KCNT2: variants seen among roughly 807,000 people sequenced by gnomAD.
The protein encoded by KCNT2 is potassium sodium-activated channel subfamily T member 2.
In KCNT2, 67 loss-of-function variants were observed where a neutral mutation model predicts 153.8. The observed-to-expected ratio is 0.44, with a 90% CI of 0.36 to 0.53. The LOEUF (loss-of-function observed/expected upper bound fraction) is 0.53. Among genes scored for constraint, KCNT2 ranks in the 20% least tolerant of loss-of-function variants. KCNT2 has a pLI of 0.00. For missense variants in KCNT2, 975 were observed against 1,354.8 expected, an observed-to-expected ratio of 0.72 and a Z score of 4.40; for synonymous variants, 500 against 458.8, an observed-to-expected ratio of 1.09 and a Z score of -1.15.
At chr1:196,581,542 T>G (rs1383711063) in intron 1 of KCNT2, among the ~76,000 whole-genome samples, 3 of 151,978 alleles carry the variant, frequency 2.0e-5, no homozygotes, top group Non-Finnish European at 4.4e-5. Context: ...ATTCCAAAAT[T>G]TCAATATAAT....
chr1:196,319,398 A>T, intron 20 of KCNT2, 86 bp downstream of exon 20: 1 of 728,666 alleles, frequency 1.4e-6, no homozygotes, highest in Non-Finnish European at 2.3e-6. Flanking sequence ...ACGGCAAATT[A>T]CACTCATCAT....
At chr1:196,467,498 T>A (rs889492344) in intron 7 of KCNT2, among the ~76,000 whole-genome samples, 9 of 152,008 alleles carry the variant, frequency 5.9e-5, no homozygotes, top group African/African-American at 2.2e-4. Flanking sequence ...CTAAATTAAT[T>A]TAAAAGATGT....
intron 7 of KCNT2, among the ~76,000 whole-genome samples, chr1:196,466,777 A>G (rs1677657234): frequency 6.6e-6 from 1 of 152,058 alleles, no homozygotes; most frequent in Non-Finnish European, 1.5e-5. Flanking sequence ...GTGAACATGT[A>G]TTAACATTTG....
At chr1:196,236,295 T>A (rs991043098) in intron 26 of KCNT2, among the ~76,000 whole-genome samples, 1 of 151,494 alleles carries the variant, frequency 6.6e-6, no homozygotes, top group Non-Finnish European at 1.5e-5. Context: ...CAATAAAGTA[T>A]CTAATTCTGT....
intron 26 of KCNT2, among the ~76,000 whole-genome samples, chr1:196,243,582 C>T (rs1247429978): frequency 6.6e-6 from 1 of 152,112 alleles, no homozygotes; most frequent in Non-Finnish European, 1.5e-5. Flanking sequence ...CTCAATGCTG[C>T]CCTGGAACAG....
At chr1:196,567,452 C>G (rs1660247853) in intron 1 of KCNT2, among the ~76,000 whole-genome samples, 1 of 152,122 alleles carries the variant, frequency 6.6e-6, no homozygotes, top group African/African-American at 2.4e-5. Context: ...CAGCATAAAT[C>G]TCGGATCTTC....
At chr1:196,268,126 C>A (rs1657723189) in intron 25 of KCNT2, among the ~76,000 whole-genome samples, 2 of 152,120 alleles carry the variant, frequency 1.3e-5, no homozygotes, top group Non-Finnish European at 2.9e-5. Flanking sequence ...AAACAGGTCC[C>A]ACTTGCACAT....
At chr1:196,550,269 GA>G (rs1392520592) in intron 1 of KCNT2, among the ~76,000 whole-genome samples, 2 of 150,830 alleles carry the variant, frequency 1.3e-5, no homozygotes, top group Non-Finnish European at 3.0e-5. Context: ...ATGAGTGAGA[GA>G]AAAAAAAATT....
At chr1:196,376,046 C>T (rs1204008458) in intron 13 of KCNT2, among the ~76,000 whole-genome samples, 2 of 151,842 alleles carry the variant, frequency 1.3e-5, no homozygotes, top group Non-Finnish European at 2.9e-5. Flanking sequence ...CCTCTTGGGA[C>T]ATTTTTTAGA....
intron 1 of KCNT2, among the ~76,000 whole-genome samples, chr1:196,514,650 C>T (rs993071010): frequency 6.6e-6 from 1 of 152,122 alleles, no homozygotes; most frequent in African/African-American, 2.4e-5. Context: ...AAATGTGTTG[C>T]ATTTGTATTT....
chr1:196,362,091 C>T (rs1284839026), intron 14 of KCNT2, among the ~76,000 whole-genome samples: 1 of 152,046 alleles, frequency 6.6e-6, no homozygotes, highest in Admixed American at 6.6e-5. Flanking sequence ...AAAAATAGTT[C>T]ATTTGAGCAT....
intron 14 of KCNT2, among the ~76,000 whole-genome samples, chr1:196,353,162 C>G (rs1429560461): frequency 6.6e-6 from 1 of 151,990 alleles, no homozygotes; most frequent in East Asian, 1.9e-4. Flanking sequence ...GACTTGCCAT[C>G]TCCTTCTCTT....
intron 1 of KCNT2, among the ~76,000 whole-genome samples, chr1:196,518,673 G>C (rs1206973620): frequency 6.6e-6 from 1 of 151,832 alleles, no homozygotes; most frequent in Non-Finnish European, 1.5e-5. Context: ...CAACAAAAAT[G>C]ATGGAAAAAA....
chr1:196,266,819 C>T (rs529699439), intron 25 of KCNT2, among the ~76,000 whole-genome samples: 1 of 152,314 alleles, frequency 6.6e-6, no homozygotes, highest in South Asian at 2.1e-4. Flanking sequence ...ACACTACTGA[C>T]TCCTTTCAAT....
intron 8 of KCNT2, among the ~76,000 whole-genome samples, chr1:196,433,219 A>G (rs1160103353): frequency 6.6e-6 from 1 of 152,070 alleles, no homozygotes; most frequent in Non-Finnish European, 1.5e-5. Context: ...AGGAATTTCT[A>G]TTGTTTATAT....
intron 18 of KCNT2, among the ~76,000 whole-genome samples, chr1:196,328,980 T>C (rs1470430770): frequency 6.6e-6 from 1 of 152,108 alleles, no homozygotes; most frequent in Non-Finnish European, 1.5e-5. Flanking sequence ...AGAATAGTGT[T>C]GAGCTGATGT....
At chr1:196,514,944 C>T (rs1288726877) in intron 1 of KCNT2, among the ~76,000 whole-genome samples, 2 of 152,158 alleles carry the variant, frequency 1.3e-5, no homozygotes, top group Non-Finnish European at 2.9e-5. Flanking sequence ...AATTACAGCT[C>T]ATTTCAAATA....
chr1:196,488,690 GGCA>G (rs1394197476), intron 3 of KCNT2, among the ~76,000 whole-genome samples: 1 of 151,884 alleles, frequency 6.6e-6, no homozygotes, highest in Non-Finnish European at 1.5e-5. Context: ...GACATCTCCA[GGCA>G]GTAGTCCTCA....
intron 21 of KCNT2, among the ~76,000 whole-genome samples, chr1:196,310,069 C>A (rs1662017018): frequency 6.6e-6 from 1 of 151,702 alleles, no homozygotes; most frequent in African/African-American, 2.4e-5. Flanking sequence ...TTCTATTTCA[C>A]AGGCTACTGG....
Sources: allele counts gnomAD v4.1 joint callset (sites outside exome capture counted in the v4.1 genomes callset), GRCh38; gene constraint gnomAD v4.1.1; transcripts MANE v1.5; gene names NCBI Gene and HGNC (gene_info 2026-07-23, HGNC 2026-07-21).